Variants in RBM20 observed in about 807,000 individuals in gnomAD.
The protein encoded by RBM20 is RNA-binding protein 20.
Under a neutral mutation model 110.1 loss-of-function variants are expected in RBM20, and 51 were observed. The observed-to-expected ratio is 0.46, with a 90% confidence interval of 0.37 to 0.59. The LOEUF is 0.59. Ranked by LOEUF, RBM20 falls within the 20% of genes least tolerant of loss-of-function variation. The probability of loss-of-function intolerance (pLI) is 0.00; values close to 1 mark genes in which losing one functional copy is unlikely to be tolerated. For missense variants in RBM20, 1,512 were observed against 1,574.9 expected (o/e 0.96, Z 0.68); for synonymous variants, 589 against 618.2 (o/e 0.95, Z 0.70).
intron 1 of RBM20, among the ~76,000 whole-genome samples, chr10:110,722,437 G>A (rs556296553): frequency 1.3e-5 from 2 of 152,100 alleles, no homozygotes; most frequent in South Asian, 2.1e-4. Flanking sequence ...CTCAGAGTCC[G>A]TAGTTTACAG....
intron 1 of RBM20, among the ~76,000 whole-genome samples, chr10:110,780,069 T>TG (rs1844317224): frequency 6.6e-6 from 1 of 151,912 alleles, no homozygotes; most frequent in African/African-American, 2.4e-5. Flanking sequence ...AAGGGTGAGG[T>TG]GGGGGGAGCA....
chr10:110,752,128 G>A (rs7097924), intron 1 of RBM20, among the ~76,000 whole-genome samples: 123,655 of 152,146 alleles, frequency 0.81, 50,654 homozygotes, highest in African/African-American at 0.86. Context: ...GCATGATGAC[G>A]TGTATCCATC....
chr10:110,720,350 G>C (rs4342957), intron 1 of RBM20, among the ~76,000 whole-genome samples: 5,681 of 152,280 alleles, frequency 0.037, 135 homozygotes, highest in South Asian at 0.083. Context: ...GCTGCTTCCT[G>C]GGAGTGCTCA....
chr10:110,823,759 C>T (rs564847752), intron 12 of RBM20, 145 bp downstream of exon 12: 1 of 882,940 alleles, frequency 1.1e-6, no homozygotes, highest in African/African-American at 1.7e-5. Flanking sequence ...ACTCTGTCAC[C>T]CAGGCTGCAG....
chr10:110,661,827 T>C (rs890715613), intron 1 of RBM20, among the ~76,000 whole-genome samples: 16 of 152,012 alleles, frequency 1.1e-4, no homozygotes, highest in African/African-American at 3.6e-4. Flanking sequence ...CTGACCAACA[T>C]GGCAAAACCC....
At chr10:110,733,682 T>G (rs185453904) in intron 1 of RBM20, among the ~76,000 whole-genome samples, 1 of 152,352 alleles carries the variant, frequency 6.6e-6, no homozygotes, top group African/African-American at 2.4e-5. Context: ...GGCCACAAAT[T>G]TCCCACACTG....
chr10:110,819,500 A>G (rs1844881044), intron 9 of RBM20, among the ~76,000 whole-genome samples: 1 of 152,214 alleles, frequency 6.6e-6, no homozygotes, highest in Non-Finnish European at 1.5e-5. Flanking sequence ...TTTCACAGAC[A>G]TGCGCACTAC....
chr10:110,710,508 A>G (rs1267861108), intron 1 of RBM20, among the ~76,000 whole-genome samples: 3 of 151,532 alleles, frequency 2.0e-5, no homozygotes, highest in South Asian at 2.1e-4. Context: ...GGGCCTCCTC[A>G]GAGAGCCACT....
chr10:110,644,219 G>T (rs1301525288), upstream of RBM20, among the ~76,000 whole-genome samples: 2 of 152,128 alleles, frequency 1.3e-5, no homozygotes, highest in Non-Finnish European at 2.9e-5. The surrounding 1 kb of genome is among the most constrained non-coding windows in gnomAD (Gnocchi z 4.3). Flanking sequence ...AGCTCCCGCC[G>T]GTCGGGAGAC....
chr10:110,684,811 A>C (rs766414966), intron 1 of RBM20, among the ~76,000 whole-genome samples: 36 of 152,192 alleles, frequency 2.4e-4, no homozygotes, highest in Admixed American at 2.0e-4. Flanking sequence ...TTATTTCACT[A>C]TCTGGGATGC....
At chr10:110,663,763 A>G (rs935479936) in intron 1 of RBM20, among the ~76,000 whole-genome samples, 3 of 152,240 alleles carry the variant, frequency 2.0e-5, no homozygotes, top group Non-Finnish European at 4.4e-5. Flanking sequence ...AACACAATTA[A>G]TTTAATTATA....
At chr10:110,725,101 C>A (rs559031717) in intron 1 of RBM20, among the ~76,000 whole-genome samples, 14 of 152,326 alleles carry the variant, frequency 9.2e-5, no homozygotes, top group African/African-American at 3.1e-4. Flanking sequence ...ATCTACACAG[C>A]AGGTTAATCA....
At chr10:110,651,889 A>T (rs1476132473) in intron 1 of RBM20, among the ~76,000 whole-genome samples, 1 of 152,220 alleles carries the variant, frequency 6.6e-6, no homozygotes, top group East Asian at 1.9e-4. Flanking sequence ...CTGCGCTGGC[A>T]ATAGCAGAGT....
At chr10:110,699,933 G>A (rs1173047732) in intron 1 of RBM20, among the ~76,000 whole-genome samples, 2 of 152,130 alleles carry the variant, frequency 1.3e-5, no homozygotes, top group South Asian at 2.1e-4. Flanking sequence ...ACTTGCGGGT[G>A]GGAAGTATAG....
At chr10:110,823,450 T>TCC in intron 11 of RBM20, 30 bp from the exon 12 acceptor site, 1 of 1,234,360 alleles carries the variant, frequency 8.1e-7, no homozygotes, top group Non-Finnish European at 1.0e-6. Flanking sequence ...TTTTTTTTTT[T>TCC]TTTTTTTTGC....
At chr10:110,772,713 T>C (rs1844209558) in intron 1 of RBM20, among the ~76,000 whole-genome samples, 1 of 152,234 alleles carries the variant, frequency 6.6e-6, no homozygotes, top group South Asian at 2.1e-4. Flanking sequence ...AAGCAGCACA[T>C]GACTGTATAT....
intron 1 of RBM20, among the ~76,000 whole-genome samples, chr10:110,668,158 A>C (rs1296668083): frequency 6.6e-6 from 1 of 152,158 alleles, no homozygotes; most frequent in Non-Finnish European, 1.5e-5. Flanking sequence ...GTGAACGTGA[A>C]GTCTTTCTTT....
At chr10:110,656,465 C>CGT (rs548806708) in intron 1 of RBM20, among the ~76,000 whole-genome samples, 3,407 of 123,844 alleles carry the variant, frequency 0.028, 61 homozygotes, top group Middle Eastern at 0.074. Flanking sequence ...AGTATGTACT[C>CGT]ATGTGTGTGT....
At position 110,787,956 on chromosome 10, in the gene RBM20, C is replaced by T. The variant is rs1309525852; in HGVS notation, c.1527+3067C>T. Among the ~76,000 whole-genome samples the T allele has an allele frequency of 2.0e-5, 3 of 152,148 alleles. No homozygotes were observed. The East Asian group carries it at 5.8e-4, about 29-fold the overall frequency. On this transcript the variant is annotated intron_variant, in intron 5 of 13. Coordinates refer to ENST00000369519, the MANE Select transcript of RBM20 (RefSeq NM_001134363.3). Reference sequence around the variant, plus strand: ...TCTTAGCATTTTTGTTTTGTATTAGCTCATTTAGTCCTCTAGACAACCCCA... The same window carrying T: ...TCTTAGCATTTTTGTTTTGTATTAGTTCATTTAGTCCTCTAGACAACCCCA...
Sources: allele counts gnomAD v4.1 joint callset (sites outside exome capture counted in the v4.1 genomes callset), GRCh38; gene constraint gnomAD v4.1.1; non-coding constraint Gnocchi (gnomAD v3.1); transcripts MANE v1.5; gene names NCBI Gene and HGNC (gene_info 2026-07-23, HGNC 2026-07-21).